SLC44A5: variants seen among roughly 807,000 people sequenced by gnomAD.
The protein encoded by SLC44A5 is solute carrier family 44 member 5.
A neutral mutation model predicts 101.8 loss-of-function variants in SLC44A5; 57 were observed. The observed-to-expected ratio is 0.56, with a 90% CI of 0.45 to 0.70. The LOEUF is 0.70. Ranked by LOEUF, SLC44A5 falls within the 30% of genes least tolerant of loss-of-function variation. SLC44A5 has a pLI of 0.00. For synonymous variants in SLC44A5, 281 were observed against 290.9 expected (o/e 0.97, Z 0.35); for missense variants, 737 against 853.1 (o/e 0.86, Z 1.70).
chr1:75,575,448 T>C (rs1016917806), intron 1 of SLC44A5, among the ~76,000 whole-genome samples: 1 of 152,202 alleles, frequency 6.6e-6, no homozygotes. Flanking sequence ...ATTTGGTGAA[T>C]GTATTGCTGA....
intron 2 of SLC44A5, among the ~76,000 whole-genome samples, chr1:75,481,911 C>T (rs1188522681): frequency 6.6e-6 from 1 of 152,114 alleles, no homozygotes; most frequent in African/African-American, 2.4e-5. Context: ...CCAGCCATCC[C>T]ATTACTGGGT....
At chr1:75,626,622 C>T in the SLC44A5 span, among the ~76,000 whole-genome samples, 1 of 152,102 alleles carries the variant, frequency 6.6e-6, no homozygotes, top group African/African-American at 2.4e-5. Flanking sequence ...CTCAGCCTGC[C>T]TTTTCTAGCC....
intron 4 of SLC44A5, among the ~76,000 whole-genome samples, chr1:75,316,388 G>A (rs954879669): frequency 1.3e-5 from 2 of 151,562 alleles, no homozygotes; most frequent in Admixed American, 6.6e-5. Flanking sequence ...CAGCTTAAAT[G>A]TTACCACCTC....
At chr1:75,672,580 T>C in the SLC44A5 span, among the ~76,000 whole-genome samples, 1 of 152,190 alleles carries the variant, frequency 6.6e-6, no homozygotes, top group South Asian at 2.1e-4. Context: ...TTGGAGTCAG[T>C]ATACTTGAAG....
upstream of SLC44A5, chr1:75,615,912 C>A (rs1328383261): frequency 9.1e-6 from 9 of 985,238 alleles, no homozygotes; most frequent in East Asian, 9.1e-4. Context: ...CTCCCCCGGA[C>A]CCCCCACGCG....
At chr1:75,660,224 A>T in the SLC44A5 span, among the ~76,000 whole-genome samples, 1 of 152,200 alleles carries the variant, frequency 6.6e-6, no homozygotes, top group Non-Finnish European at 1.5e-5. Context: ...AAGAATCAAG[A>T]ACAAAAACAA....
the SLC44A5 span, among the ~76,000 whole-genome samples, chr1:75,722,630 C>G: frequency 1.3e-5 from 2 of 152,142 alleles, no homozygotes; most frequent in African/African-American, 4.8e-5. Flanking sequence ...GCTCCTGTTA[C>G]CCAAAAAATA....
At chr1:75,709,501 A>G in the SLC44A5 span, among the ~76,000 whole-genome samples, 1 of 152,216 alleles carries the variant, frequency 6.6e-6, no homozygotes, top group Non-Finnish European at 1.5e-5. Flanking sequence ...TCTTTGAAGT[A>G]TGATAGTGGG....
chr1:75,296,366 CTTT>C (rs200894510), intron 5 of SLC44A5, among the ~76,000 whole-genome samples: 229 of 144,440 alleles, frequency 1.6e-3, no homozygotes, highest in Middle Eastern at 3.6e-3. Context: ...GTTTTTTTTT[CTTT>C]TTTTTTTTTT....
chr1:75,218,299 A>G (rs1647003878), intron 17 of SLC44A5, among the ~76,000 whole-genome samples, 191 bp downstream of exon 17: 1 of 152,152 alleles, frequency 6.6e-6, no homozygotes, highest in South Asian at 2.1e-4. Flanking sequence ...AGCATTTAGA[A>G]GGAAATTGGC....
At chr1:75,240,461 C>A (rs556401594) in intron 9 of SLC44A5, among the ~76,000 whole-genome samples, 2 of 152,094 alleles carry the variant, frequency 1.3e-5, no homozygotes, top group Non-Finnish European at 2.9e-5. Flanking sequence ...ATCCTGTGTA[C>A]TTAGCCAAAG....
the SLC44A5 span, among the ~76,000 whole-genome samples, chr1:75,679,173 G>T: frequency 6.6e-6 from 1 of 152,202 alleles, no homozygotes; most frequent in African/African-American, 2.4e-5. Flanking sequence ...ACGGAACCAA[G>T]TTGGAAAACA....
intron 2 of SLC44A5, among the ~76,000 whole-genome samples, chr1:75,525,371 C>A (rs1670353822): frequency 6.6e-6 from 1 of 151,968 alleles, no homozygotes; most frequent in Admixed American, 6.6e-5. Flanking sequence ...ATATCCTAGC[C>A]AAAAATGTTT....
At chr1:75,678,218 T>C in the SLC44A5 span, among the ~76,000 whole-genome samples, 343 of 152,158 alleles carry the variant, frequency 2.3e-3, 1 homozygote, top group Non-Finnish European at 3.9e-3. Flanking sequence ...CTTGCTTAGG[T>C]AAACAAAGCA....
intron 1 of SLC44A5, among the ~76,000 whole-genome samples, chr1:75,556,833 C>A (rs211779): frequency 0.96 from 145,548 of 152,152 alleles, 69,644 homozygotes; most frequent in East Asian, 0.98. Context: ...GTTATATGAT[C>A]GCTGCTATAT....
At chr1:75,660,157 T>C in the SLC44A5 span, among the ~76,000 whole-genome samples, 1 of 152,154 alleles carries the variant, frequency 6.6e-6, no homozygotes, top group Non-Finnish European at 1.5e-5. Flanking sequence ...TGAGCTGAGA[T>C]TGTGCTACTG....
intron 2 of SLC44A5, among the ~76,000 whole-genome samples, chr1:75,406,781 C>A (rs1662901221): frequency 6.6e-6 from 1 of 152,110 alleles, no homozygotes; most frequent in Non-Finnish European, 1.5e-5. Flanking sequence ...TGGAAGCATT[C>A]CCTTTGAAAA....
intron 2 of SLC44A5, among the ~76,000 whole-genome samples, chr1:75,536,760 A>G (rs1367653692): frequency 6.8e-6 from 1 of 146,452 alleles, no homozygotes; most frequent in East Asian, 2.0e-4. Context: ...TAATCCCAGC[A>G]CTTTGGGAGG....
the SLC44A5 span, among the ~76,000 whole-genome samples, chr1:75,671,479 T>C: frequency 6.6e-6 from 1 of 152,022 alleles, no homozygotes; most frequent in Admixed American, 6.6e-5. Flanking sequence ...GTAAAATTCA[T>C]AAATAAATAG....
Sources: allele counts gnomAD v4.1 joint callset (sites outside exome capture counted in the v4.1 genomes callset), GRCh38; gene constraint gnomAD v4.1.1; transcripts MANE v1.5; gene names NCBI Gene and HGNC (gene_info 2026-07-23, HGNC 2026-07-21).